The following KAZN variants were observed in gnomAD, a reference collection of about 807,000 sequenced individuals.
KAZN encodes kazrin, periplakin interacting protein.
In KAZN, 40 loss-of-function variants were observed where a neutral mutation model predicts 87.4. That is an observed-to-expected ratio of 0.46 (90% confidence interval 0.36 to 0.60). The LOEUF is 0.60. KAZN is among the 20% of genes least tolerant of loss of function. The pLI, the probability that KAZN is intolerant of heterozygous loss-of-function variation, is 0.00. For missense variants in KAZN, 898 were observed against 1,073.9 expected (o/e 0.84, Z 2.29); for synonymous variants, 466 against 458.3 (o/e 1.02, Z -0.22).
At chr1:14,191,289 T>G (rs999942194) in intron 2 of KAZN, among the ~76,000 whole-genome samples, 1 of 152,066 alleles carries the variant, frequency 6.6e-6, no homozygotes, top group East Asian at 1.9e-4. Flanking sequence ...TGAGGGGCAG[T>G]AAGATTAAAG....
intron 1 of KAZN, among the ~76,000 whole-genome samples, chr1:13,955,435 A>G (rs1201310370): frequency 6.6e-6 from 1 of 152,032 alleles, no homozygotes; most frequent in African/African-American, 2.4e-5. Context: ...AATAATTTTA[A>G]AATTATTATT....
chr1:14,691,194 G>A (rs1641267778), intron 1 of KAZN, among the ~76,000 whole-genome samples: 1 of 151,798 alleles, frequency 6.6e-6, no homozygotes, highest in African/African-American at 2.4e-5. Flanking sequence ...GTTTCAGGTG[G>A]GGAAAAAAAA....
At chr1:14,714,515 C>A (rs1460071151) in intron 1 of KAZN, among the ~76,000 whole-genome samples, 1 of 152,124 alleles carries the variant, frequency 6.6e-6, no homozygotes, top group African/African-American at 2.4e-5. Flanking sequence ...CACGTGGGGG[C>A]CCTGGGTTGG....
intron 1 of KAZN, among the ~76,000 whole-genome samples, chr1:14,092,880 A>C (rs1303392073): frequency 6.6e-6 from 1 of 152,196 alleles, no homozygotes; most frequent in Admixed American, 6.5e-5. Flanking sequence ...TAAAGATGCA[A>C]TTTATGAAAT....
At chr1:14,540,949 A>G (rs1274797436) in intron 2 of KAZN, among the ~76,000 whole-genome samples, 1 of 152,200 alleles carries the variant, frequency 6.6e-6, no homozygotes, top group Non-Finnish European at 1.5e-5. Flanking sequence ...TTAAAGCTGC[A>G]TAAATAATTA....
intron 2 of KAZN, among the ~76,000 whole-genome samples, chr1:14,977,548 G>A (rs1424032271): frequency 8.5e-5 from 13 of 152,244 alleles, no homozygotes; most frequent in Non-Finnish European, 1.6e-4. Context: ...TGAGTGTCGC[G>A]CTCTGCTGCC....
At chr1:14,778,171 A>G (rs1351583513) in intron 1 of KAZN, among the ~76,000 whole-genome samples, 1 of 152,142 alleles carries the variant, frequency 6.6e-6, no homozygotes, top group Admixed American at 6.5e-5. Context: ...GGAGTCTCTG[A>G]GTCTTAACAT....
Position 14,327,676 on chromosome 1 carries a change from A to C in KAZN, c.249+147084A>C, listed in dbSNP as rs1656537339. Among the ~76,000 whole-genome samples the C allele has an allele frequency of 1.3e-5, 2 of 151,580 alleles. 1 individual carries two copies. The highest frequency in any genetic ancestry group is 4.1e-4 in the South Asian group (2 of 4,830). On this transcript the variant is annotated intron_variant, in intron 2 of 16. Coordinates refer to the KAZN transcript ENST00000636203. ...AATTAAAAACCTGGAAAGTTGTGGT[A>C]GACTGACTCTCCTCATCTTTGCTAT...
chr1:14,001,422 T>C (rs1367793446), intron 1 of KAZN, among the ~76,000 whole-genome samples: 1 of 152,140 alleles, frequency 6.6e-6, no homozygotes, highest in Non-Finnish European at 1.5e-5. Context: ...AAAATGGCCA[T>C]ACTGCCCAAA....
intron 2 of KAZN, among the ~76,000 whole-genome samples, chr1:14,221,602 T>C (rs996600424): frequency 1.3e-5 from 2 of 152,198 alleles, no homozygotes; most frequent in African/African-American, 2.4e-5. Flanking sequence ...TTCTGGCTTA[T>C]TATAATCCTG....
chr1:14,244,734 T>G (rs1448250276), intron 2 of KAZN, among the ~76,000 whole-genome samples: 1 of 151,688 alleles, frequency 6.6e-6, no homozygotes, highest in African/African-American at 2.4e-5. Flanking sequence ...CAGGGGCATG[T>G]GGGGTGAGGA....
At chr1:14,509,217 G>C (rs75622535) in intron 2 of KAZN, among the ~76,000 whole-genome samples, 20 of 152,180 alleles carry the variant, frequency 1.3e-4, no homozygotes, top group African/African-American at 4.8e-4. Flanking sequence ...GACCTATAAT[G>C]GTGGCTTACA....
At chr1:14,346,000 T>A (rs1658078488) in intron 2 of KAZN, among the ~76,000 whole-genome samples, 2 of 152,218 alleles carry the variant, frequency 1.3e-5, no homozygotes, top group African/African-American at 4.8e-5. Context: ...ATTTGTGTCA[T>A]TTCGATAAAA....
At chr1:15,101,418 C>G (rs991288123) in intron 10 of KAZN, 125 bp from the exon 11 acceptor site, 1 of 662,400 alleles carries the variant, frequency 1.5e-6, no homozygotes, top group African/African-American at 1.8e-5. Context: ...GTCTCTGTGG[C>G]TCTCTTGGTC....
intron 2 of KAZN, among the ~76,000 whole-genome samples, chr1:14,514,409 T>TATATATATTATATATATATTTAC (rs1392853360): frequency 3.8e-5 from 1 of 26,254 alleles, no homozygotes; most frequent in African/African-American, 1.1e-4. Flanking sequence ...ATATATATAA[T>TATATATATTATATATATATTTAC]ATATAAATAT....
chr1:14,918,000 TC>T (rs564284225), intron 1 of KAZN, among the ~76,000 whole-genome samples: 42 of 152,232 alleles, frequency 2.8e-4, no homozygotes, highest in African/African-American at 9.9e-4. Context: ...TGCCTCAGCC[TC>T]CCGAGTAGCT....
intron 1 of KAZN, among the ~76,000 whole-genome samples, chr1:14,643,633 C>T (rs924731268): frequency 3.5e-4 from 53 of 152,212 alleles, no homozygotes; most frequent in Non-Finnish European, 5.3e-4. Context: ...TGAACATTTG[C>T]GTGCATGTAT....
chr1:14,550,739 C>CT (rs1480745409), intron 2 of KAZN, among the ~76,000 whole-genome samples: 54 of 70,004 alleles, frequency 7.7e-4, no homozygotes, highest in African/African-American at 1.3e-3. Context: ...CTCTCTCTCT[C>CT]CCCCACCCCG....
In KAZN at chr1:14,890,145, G is replaced by A. The variant is rs1026194516; in HGVS notation, c.227-70539G>A. On this transcript the variant is annotated intron_variant, in intron 1 of 14. Transcript: ENST00000376030. Reference sequence around the variant, plus strand: ...GCTTCCCAGAACTTGCTGAACAGTCGCCTTTCCCTTCCCTGCTCTGCGAGT... The same window carrying A: ...GCTTCCCAGAACTTGCTGAACAGTCACCTTTCCCTTCCCTGCTCTGCGAGT... Among the ~76,000 whole-genome samples the A allele has an allele frequency of 2.6e-5, 4 of 152,266 alleles. No homozygotes were observed. In the East Asian group the frequency reaches 5.8e-4, roughly 22 times the overall value.
Sources: gnomAD v4.1 joint callset for allele counts (sites outside exome capture counted in the v4.1 genomes callset) on GRCh38, gnomAD v4.1.1 for gene constraint, MANE v1.5 for transcripts, NCBI Gene and HGNC (gene_info 2026-07-23, HGNC 2026-07-21) for gene names.